Variants in RPS6KA2 observed in about 807,000 individuals in gnomAD.
The protein encoded by RPS6KA2 is ribosomal protein S6 kinase A2.
Under a neutral mutation model 91.8 loss-of-function variants are expected in RPS6KA2, and 42 were observed. That is an observed-to-expected ratio of 0.46 (90% CI 0.36 to 0.59). The LOEUF is 0.59. Ranked by LOEUF, RPS6KA2 falls within the 20% of genes least tolerant of loss-of-function variation. The pLI is 0.00. For synonymous variants in RPS6KA2, 414 were observed against 393.6 expected (o/e 1.05, Z -0.61); for missense variants, 798 against 978.5 (o/e 0.82, Z 2.46).
chr6:166,709,307 A>T (rs1312094251), intron 2 of RPS6KA2, among the ~76,000 whole-genome samples: 1 of 150,964 alleles, frequency 6.6e-6, no homozygotes, highest in East Asian at 1.9e-4. Context: ...AAATAAAGAC[A>T]CAACATATCC....
intron 10 of RPS6KA2, among the ~76,000 whole-genome samples, chr6:166,475,043 C>T (rs1448689699): frequency 6.6e-6 from 1 of 152,022 alleles, no homozygotes; most frequent in Non-Finnish European, 1.5e-5. Context: ...ATTTGCAAAT[C>T]ACTCAGAGTC....
chr6:166,616,873 C>T (rs1786435803), intron 1 of RPS6KA2, among the ~76,000 whole-genome samples: 1 of 152,258 alleles, frequency 6.6e-6, no homozygotes, highest in Admixed American at 6.5e-5. Flanking sequence ...GCCACCAAGG[C>T]CCCTGACAAC....
intron 2 of RPS6KA2, among the ~76,000 whole-genome samples, chr6:166,750,559 ACT>A (rs1428459788): frequency 5.3e-5 from 8 of 151,814 alleles, no homozygotes; most frequent in Admixed American, 5.2e-4. Flanking sequence ...GCCTCTTCTG[ACT>A]CTGTCACAAC....
At chr6:166,717,090 G>A (rs1365438733) in intron 2 of RPS6KA2, among the ~76,000 whole-genome samples, 1 of 152,194 alleles carries the variant, frequency 6.6e-6, no homozygotes, top group Non-Finnish European at 1.5e-5. Context: ...CACAGGCTGC[G>A]AGTGGAGGCC....
intron 2 of RPS6KA2, among the ~76,000 whole-genome samples, chr6:166,788,800 T>C (rs1333411850): frequency 6.6e-6 from 1 of 152,176 alleles, no homozygotes. Context: ...CATGTATGTA[T>C]ATGTACCAAA....
At chr6:166,729,044 C>A (rs866482119) in intron 2 of RPS6KA2, among the ~76,000 whole-genome samples, 6 of 152,228 alleles carry the variant, frequency 3.9e-5, no homozygotes, top group Admixed American at 2.6e-4. Context: ...TGCTCCCCTG[C>A]GGAAGGGCCA....
At chr6:166,851,460 A>T (rs1583179139) in intron 2 of RPS6KA2, among the ~76,000 whole-genome samples, 1 of 152,196 alleles carries the variant, frequency 6.6e-6, no homozygotes, top group East Asian at 1.9e-4. Context: ...TTTCTTTATG[A>T]GACACCCCCA....
At chr6:166,546,130 T>C (rs1471692557) in intron 1 of RPS6KA2, among the ~76,000 whole-genome samples, 1 of 152,172 alleles carries the variant, frequency 6.6e-6, no homozygotes, top group African/African-American at 2.4e-5. Context: ...AATGATTTGC[T>C]TTATAAAGAC....
At chr6:166,420,395 AAAC>A (rs1453820809) in intron 17 of RPS6KA2, among the ~76,000 whole-genome samples, 8 of 152,052 alleles carry the variant, frequency 5.3e-5, no homozygotes, top group Non-Finnish European at 1.2e-4. Flanking sequence ...TGTCCCCATT[AAAC>A]AACAACTCCC....
chr6:166,856,185 A>C (rs911652396), intron 2 of RPS6KA2, among the ~76,000 whole-genome samples: 2 of 152,198 alleles, frequency 1.3e-5, no homozygotes, highest in African/African-American at 4.8e-5. Context: ...TCCAAAACTC[A>C]TATGTTAAAA....
At chr6:166,618,346 G>C (rs1269551579) in intron 1 of RPS6KA2, among the ~76,000 whole-genome samples, 1 of 152,142 alleles carries the variant, frequency 6.6e-6, no homozygotes, top group Non-Finnish European at 1.5e-5. Flanking sequence ...AGTGTCCCTG[G>C]GCCAGAGTCT....
At chr6:166,548,212 T>C (rs185205485) in intron 1 of RPS6KA2, among the ~76,000 whole-genome samples, 4 of 152,290 alleles carry the variant, frequency 2.6e-5, no homozygotes, top group Admixed American at 2.6e-4. Context: ...ATCAAAGATC[T>C]AAATAAATGG....
chr6:166,645,317 CACA>C (rs766888675), intron 2 of RPS6KA2, among the ~76,000 whole-genome samples: 2 of 152,226 alleles, frequency 1.3e-5, no homozygotes, highest in Non-Finnish European at 2.9e-5. Flanking sequence ...GAATCAGAGG[CACA>C]ACGTTAGTTT....
At chr6:166,600,697 A>G (rs1240407834) in intron 1 of RPS6KA2, among the ~76,000 whole-genome samples, 3 of 152,246 alleles carry the variant, frequency 2.0e-5, no homozygotes, top group Non-Finnish European at 2.9e-5. Flanking sequence ...CACTTGCCCT[A>G]TTTTCAGGAC....
In RPS6KA2 at chr6:166,416,278, C is replaced by T. The variant is rs1012144676; in HGVS notation, c.1938+1947G>A. On this transcript the variant is annotated intron_variant, in intron 19 of 20. Coordinates refer to ENST00000265678, the MANE Select transcript of RPS6KA2 (RefSeq NM_021135.6). Reference sequence around the variant, plus strand: ...ACCATTTTTTCTCTGTCACCTCTGCCGTCACCCTTGCCATCCCTCCTCCAT... The same window carrying T: ...ACCATTTTTTCTCTGTCACCTCTGCTGTCACCCTTGCCATCCCTCCTCCAT... Among the ~76,000 whole-genome samples, 40 of 73,540 alleles carry T rather than the reference C, an allele frequency of 5.4e-4. No individual in the cohort carries two copies. In the Admixed American group the frequency reaches 5.5e-3, roughly 10 times the overall value. The allele number at this position is 73,540 out of a possible 152,430, so 48.2% of individuals were successfully genotyped here.
At chr6:166,625,670 G>C (rs1324760119) in intron 1 of RPS6KA2, among the ~76,000 whole-genome samples, 2 of 152,122 alleles carry the variant, frequency 1.3e-5, no homozygotes, top group African/African-American at 2.4e-5. Flanking sequence ...GATTTTTTAA[G>C]TGCCTGTGTC....
rs954667647 is a variant in RPS6KA2, at chr6:166,687,967, C to T, written c.124-149183G>A. 1.4e-4 allele frequency among the ~76,000 whole-genome samples: 21 copies of T among 152,154 alleles called. 1 individual carries two copies. In the South Asian group the frequency reaches 1.9e-3, roughly 14 times the overall value. On this transcript the variant is annotated intron_variant, in intron 2 of 21. Transcript: ENST00000503859. ...TGGGGAGGGGGTTCTATTCACAGGACGGGGGAGCCTGCTTGGGAAGGAGCA... is the reference window on the plus strand; with the variant it reads ...TGGGGAGGGGGTTCTATTCACAGGATGGGGGAGCCTGCTTGGGAAGGAGCA...
intron 2 of RPS6KA2, chr6:166,701,814 C>G: frequency 1.1e-6 from 1 of 923,718 alleles, no homozygotes. Flanking sequence ...TCTTCCTCAG[C>G]TTTGGCACAT....
At chr6:166,710,664 TTTCCC>T (rs1789820331) in intron 2 of RPS6KA2, among the ~76,000 whole-genome samples, 1 of 152,254 alleles carries the variant, frequency 6.6e-6, no homozygotes, top group African/African-American at 2.4e-5. Flanking sequence ...TAGGCATGTA[TTTCCC>T]TATTCTTCCC....
Sources: gnomAD v4.1 joint callset for allele counts (sites outside exome capture counted in the v4.1 genomes callset) on GRCh38, gnomAD v4.1.1 for gene constraint, MANE v1.5 for transcripts, NCBI Gene and HGNC (gene_info 2026-07-23, HGNC 2026-07-21) for gene names.